Variants in CBFB observed in about 807,000 individuals in gnomAD.
CBFB encodes the protein CBF-beta.
A neutral mutation model predicts 30.4 loss-of-function variants in CBFB; 9 were observed. That is an observed-to-expected ratio of 0.30 (90% CI 0.18 to 0.52). The LOEUF (loss-of-function observed/expected upper bound fraction) is 0.52, where lower values mean the gene tolerates loss of function less well. Among genes scored for constraint, CBFB ranks in the 20% least tolerant of loss-of-function variants. CBFB has a pLI of 0.97. For synonymous variants in CBFB, 94 were observed against 84.0 expected, an observed-to-expected ratio of 1.12 and a Z score of -0.65; for missense variants, 170 against 244.0, an observed-to-expected ratio of 0.70 and a Z score of 2.02.
At chr16:67,078,763 C>T (rs1597153151) in intron 4 of CBFB, among the ~76,000 whole-genome samples, 2 of 152,162 alleles carry the variant, frequency 1.3e-5, no homozygotes, top group African/African-American at 4.8e-5. Flanking sequence ...GATTCTTCTG[C>T]CTCAGCCTCC....
At chr16:67,038,426 A>G (rs1417790669) in intron 3 of CBFB, among the ~76,000 whole-genome samples, 3 of 151,854 alleles carry the variant, frequency 2.0e-5, no homozygotes, top group African/African-American at 7.3e-5. Context: ...GTTTTCTCCA[A>G]TTCTGTAGAA....
intron 3 of CBFB, among the ~76,000 whole-genome samples, chr16:67,054,786 T>A (rs1259774911): frequency 6.6e-6 from 1 of 152,234 alleles, no homozygotes; most frequent in Non-Finnish European, 1.5e-5. Context: ...GGAGTCTCGC[T>A]CTGTCGCCCA....
At chr16:67,090,587 C>T (rs146976647) in intron 5 of CBFB, among the ~76,000 whole-genome samples, 2 of 152,316 alleles carry the variant, frequency 1.3e-5, no homozygotes, top group East Asian at 3.9e-4. Flanking sequence ...TTTCCAGAGA[C>T]TGCCTTCAAC....
chr16:67,070,970 T>C (rs1347817707), intron 4 of CBFB, among the ~76,000 whole-genome samples: 1 of 152,190 alleles, frequency 6.6e-6, no homozygotes, highest in Non-Finnish European at 1.5e-5. Context: ...AATTGAACTA[T>C]ATCACTACAA....
Position 67,029,788 on chromosome 16 carries a change from C to A in CBFB, c.140C>A (p.Ala47Asp). The change falls in exon 2 of 6, where the codon GCC (alanine) becomes GAC (aspartate). Residue 47 changes from alanine to aspartate, a missense_variant. Coordinates refer to ENST00000412916, the MANE Select transcript of CBFB (RefSeq NM_022845.3). ...GAACGCCAGGCACGCTTCCAGAACG[C>A]CTGCCGCGACGGCCGCTCGGAAATC... ...HEERQARFQN[A>D]CRDGRSEIAF... 6.3e-7 allele frequency: 1 copy of A among 1,590,486 alleles called. No homozygotes were observed. The highest frequency in any genetic ancestry group is 2.4e-5 in the East Asian group (1 of 42,108).
In CBFB at chr16:67,082,312, A is replaced by G; in HGVS notation, c.495+4A>G. The G allele has an allele frequency of 6.2e-7, 1 of 1,612,490 alleles. No homozygotes were observed. The highest frequency in any genetic ancestry group is 8.5e-7 in the Non-Finnish European group (1 of 1,178,804). The stretch of plus-strand genomic sequence containing the variant: ...GTCTCATCGGGAGGAAATGGAGGTG[A>G]GAGTTTCACAGCTGCTGGCAGTAAC... On this transcript the variant is annotated splice_donor_region_variant and intron_variant, in intron 5 of 5. Coordinates refer to ENST00000412916, the MANE Select transcript of CBFB (RefSeq NM_022845.3).
intron 2 of CBFB, among the ~76,000 whole-genome samples, chr16:67,032,349 C>T (rs901317311): frequency 2.0e-5 from 3 of 152,072 alleles, no homozygotes; most frequent in African/African-American, 7.2e-5. Flanking sequence ...GTATCTGATT[C>T]GACACATTTT....
chr16:67,041,315 G>A (rs1966526544), intron 3 of CBFB, among the ~76,000 whole-genome samples: 1 of 152,140 alleles, frequency 6.6e-6, no homozygotes. Context: ...TTAATAATAG[G>A]TTATAGGGGG....
chr16:67,039,838 T>G (rs1465583090), intron 3 of CBFB, among the ~76,000 whole-genome samples: 1 of 152,160 alleles, frequency 6.6e-6, no homozygotes, highest in Non-Finnish European at 1.5e-5. Context: ...CTAGACAATA[T>G]GTAAACAATT....
At position 67,036,697 on chromosome 16, in the gene CBFB, G is replaced by C. The variant is rs1466296973; in HGVS notation, c.224G>C (p.Gly75Ala). The C allele has an allele frequency of 6.2e-7, 1 of 1,613,976 alleles. No individual in the cohort carries two copies. Residue 75 changes from glycine to alanine, a missense_variant, in exon 3 of 6, where the codon GGA becomes GCA. Gly to Ala is a moderately conservative substitution (Grantham distance 60). Coordinates refer to ENST00000412916, the MANE Select transcript of CBFB (RefSeq NM_022845.3). ...SLQFFPASWQ[G>A]EQRQTPSREY... Reference sequence around the variant, plus strand: ...CAGTTTTTTCCGGCCAGCTGGCAGGGAGAACAGCGACAAACACCTAGCCGA... The same window carrying C: ...CAGTTTTTTCCGGCCAGCTGGCAGGCAGAACAGCGACAAACACCTAGCCGA...
intron 4 of CBFB, among the ~76,000 whole-genome samples, chr16:67,077,644 A>T (rs1961439156): frequency 6.6e-6 from 1 of 152,228 alleles, no homozygotes; most frequent in Admixed American, 6.5e-5. Context: ...TTAGATGTTC[A>T]TCATCAACTG....
Position 67,082,254 on chromosome 16 carries a change from G to C in CBFB, c.441G>C (p.Arg147=), listed in dbSNP as rs947422563. Residue 147 remains arginine, a synonymous_variant, in exon 5 of 6, where the codon CGG becomes CGC. Transcript: ENST00000412916. The part of the protein sequence containing the change: ...ALAQQAFEEA[R]RRTREFEDRD... ...CACAACAGGCCTTTGAAGAGGCTCG[G>C]AGAAGGACACGCGAATTTGAAGATA... 6.2e-7 allele frequency: 1 copy of C among 1,611,626 alleles called. No homozygotes were observed. Among genetic ancestry groups the C allele is most frequent in the Non-Finnish European group, 8.5e-7 (1 of 1,178,092 alleles).
chr16:67,069,299 G>A (rs1357971954), intron 4 of CBFB, among the ~76,000 whole-genome samples: 1 of 152,046 alleles, frequency 6.6e-6, no homozygotes, highest in Non-Finnish European at 1.5e-5. Flanking sequence ...GGACCCAGGA[G>A]GCAGAGGTTG....
intron 3 of CBFB, among the ~76,000 whole-genome samples, chr16:67,043,456 A>G (rs564863812): frequency 6.6e-6 from 1 of 152,344 alleles, no homozygotes; most frequent in Non-Finnish European, 1.5e-5. Flanking sequence ...GTGACTGATT[A>G]TAAGTATATA....
intron 2 of CBFB, 37 bp downstream of exon 2, chr16:67,029,850 G>C (rs771207547): frequency 2.0e-6 from 3 of 1,500,612 alleles, no homozygotes; most frequent in Admixed American, 3.9e-5. Context: ...CGGGTCACTT[G>C]TTGCGCGGGG....
At chr16:67,042,858 C>CCCAAG (rs1280659870) in intron 3 of CBFB, among the ~76,000 whole-genome samples, 14 of 152,176 alleles carry the variant, frequency 9.2e-5, no homozygotes, top group Non-Finnish European at 1.8e-4. Flanking sequence ...TCCTCAGCCT[C>CCCAAG]TCAAGTAGCT....
Position 67,098,632 on chromosome 16 carries a change from C to T in CBFB, c.496-78C>T, listed in dbSNP as rs1962125661. 6.2e-6 allele frequency: 5 copies of T among 812,626 alleles called. No homozygotes were observed. The East Asian group carries it at 7.8e-5, about 13-fold the overall frequency. The allele number at this position is 812,626 out of a possible 1,614,324, so 50.3% of individuals were successfully genotyped here. A position where few individuals can be genotyped will look rare whatever the true frequency, so the allele number is the denominator to read the frequency against. On this transcript the variant is annotated intron_variant, in intron 5 of 5. Transcript: ENST00000412916. ...AGTTATGAAGTTTTTCTGTGTGCTA[C>T]TGTCTTGTATTTTGTATATCTAGTA... is the stretch of plus-strand genomic sequence containing the variant.
intron 5 of CBFB, among the ~76,000 whole-genome samples, chr16:67,091,221 ATAGACT>A (rs1961871042): frequency 6.6e-6 from 1 of 152,218 alleles, no homozygotes; most frequent in Non-Finnish European, 1.5e-5. Context: ...CAGAGGAGCA[ATAGACT>A]TTATTAAGAT....
intron 5 of CBFB, 29 bp from the exon 6 acceptor site, chr16:67,098,681 G>A: frequency 7.0e-7 from 1 of 1,421,854 alleles, no homozygotes; most frequent in Non-Finnish European, 9.9e-7. Context: ...AACACTTTTT[G>A]ACCCCAAATT....
Sources: allele counts gnomAD v4.1 joint callset (sites outside exome capture counted in the v4.1 genomes callset), GRCh38; gene constraint gnomAD v4.1.1; transcripts MANE v1.5; gene names NCBI Gene and HGNC (gene_info 2026-07-23, HGNC 2026-07-21).